Variants in NCOA1 observed in about 807,000 individuals in gnomAD.
NCOA1 encodes the protein Hin-2 protein.
A neutral mutation model predicts 150.9 loss-of-function variants in NCOA1; 35 were observed. The ratio of observed to expected loss-of-function variants is 0.23; its 90% CI spans 0.18 to 0.31. The LOEUF (loss-of-function observed/expected upper bound fraction) is 0.31, where lower values mean the gene tolerates loss of function less well. Ranked by LOEUF, NCOA1 falls within the 10% of genes least tolerant of loss-of-function variation. The pLI, the probability that NCOA1 is intolerant of heterozygous loss-of-function variation, is 1.00. For synonymous variants in NCOA1, 590 were observed against 630.0 expected (o/e 0.94, Z 0.95); for missense variants, 1,491 against 1,749.3 (o/e 0.85, Z 2.63).
At chr2:24,550,001 AG>A (rs1380990657) in intron 1 of NCOA1, among the ~76,000 whole-genome samples, 8 of 152,210 alleles carry the variant, frequency 5.3e-5, no homozygotes, top group Non-Finnish European at 4.4e-5. Flanking sequence ...ACAAACCTCC[AG>A]GGCAGGGGCA....
At chr2:24,751,311 G>A (rs557569866) in intron 19 of NCOA1, among the ~76,000 whole-genome samples, 4 of 150,990 alleles carry the variant, frequency 2.6e-5, no homozygotes, top group South Asian at 2.1e-4. Context: ...AGCCGGGCGC[G>A]GTGGCTCACA....
At chr2:24,633,864 G>A (rs1669815702) in intron 3 of NCOA1, among the ~76,000 whole-genome samples, 1 of 152,136 alleles carries the variant, frequency 6.6e-6, no homozygotes, top group African/African-American at 2.4e-5. Flanking sequence ...TTCTACTTAT[G>A]CATATGAAGA....
intron 20 of NCOA1, 40 bp downstream of exon 20, chr2:24,752,196 G>A (rs1441511258): frequency 6.3e-7 from 1 of 1,591,916 alleles, no homozygotes; most frequent in East Asian, 2.2e-5. Flanking sequence ...CCTTGATACT[G>A]TGATAAATCC....
At chr2:24,704,011 ATACT>A (rs1014876325) in intron 11 of NCOA1, among the ~76,000 whole-genome samples, 1 of 152,312 alleles carries the variant, frequency 6.6e-6, no homozygotes, top group Admixed American at 6.5e-5. Context: ...TATTTAATAA[ATACT>A]TACATGATTA....
At chr2:24,732,154 G>A (rs1663047608) in intron 17 of NCOA1, among the ~76,000 whole-genome samples, 1 of 152,120 alleles carries the variant, frequency 6.6e-6, no homozygotes, top group African/African-American at 2.4e-5. Context: ...AAGTTGTTTT[G>A]GCTTCCATTT....
At chr2:24,681,366 A>C (rs904661644) in intron 7 of NCOA1, among the ~76,000 whole-genome samples, 1 of 152,194 alleles carries the variant, frequency 6.6e-6, no homozygotes, top group Non-Finnish European at 1.5e-5. Flanking sequence ...AAAGGGCCAA[A>C]GCCCACTGAG....
At chr2:24,628,673 A>G (rs55924518) in intron 3 of NCOA1, among the ~76,000 whole-genome samples, 1 of 152,206 alleles carries the variant, frequency 6.6e-6, no homozygotes, top group Admixed American at 6.5e-5. Flanking sequence ...GATTTAGATT[A>G]CTGGGTTAAG....
At chr2:24,708,607 T>C (rs1045453284) in intron 13 of NCOA1, among the ~76,000 whole-genome samples, 1 of 152,152 alleles carries the variant, frequency 6.6e-6, no homozygotes, top group Non-Finnish European at 1.5e-5. Flanking sequence ...AAAAAAAATA[T>C]GGCCCTTCCT....
intron 14 of NCOA1, among the ~76,000 whole-genome samples, chr2:24,722,359 G>A (rs1360834540): frequency 2.0e-5 from 3 of 152,182 alleles, no homozygotes; most frequent in African/African-American, 7.2e-5. Flanking sequence ...CAGCATGCCT[G>A]TTTGTCAGTA....
chr2:24,673,738 G>T (rs919739847), intron 7 of NCOA1, among the ~76,000 whole-genome samples: 1 of 152,120 alleles, frequency 6.6e-6, no homozygotes, highest in Non-Finnish European at 1.5e-5. Context: ...TTCTGTGGTG[G>T]TTAGGCCTAG....
chr2:24,524,190 A>G (rs1664557858), intron 1 of NCOA1, among the ~76,000 whole-genome samples: 1 of 152,190 alleles, frequency 6.6e-6, no homozygotes, highest in Admixed American at 6.5e-5. Context: ...TGTTTTTCAG[A>G]TACTTCCGGT....
At chr2:24,562,312 A>G (rs11885379) in intron 1 of NCOA1, among the ~76,000 whole-genome samples, 134 of 152,344 alleles carry the variant, frequency 8.8e-4, no homozygotes, top group African/African-American at 3.0e-3. Context: ...CATGAGCTCA[A>G]AGGAGCATTT....
At chr2:24,689,784 A>G (rs548957929) in intron 8 of NCOA1, among the ~76,000 whole-genome samples, 1 of 152,356 alleles carries the variant, frequency 6.6e-6, no homozygotes, top group Non-Finnish European at 1.5e-5. Context: ...GTACATGAGA[A>G]GAGAGCTCTA....
chr2:24,634,454 T>C (rs1669842765), intron 3 of NCOA1, among the ~76,000 whole-genome samples: 1 of 152,230 alleles, frequency 6.6e-6, no homozygotes, highest in African/African-American at 2.4e-5. Flanking sequence ...ATGTGTTAGG[T>C]ACATTATAGG....
chr2:24,733,241 TATTA>T (rs1370221982), intron 17 of NCOA1, among the ~76,000 whole-genome samples: 3 of 152,216 alleles, frequency 2.0e-5, no homozygotes, highest in African/African-American at 7.2e-5. Context: ...ACTGAGGTAG[TATTA>T]ATATATCTCC....
intron 7 of NCOA1, among the ~76,000 whole-genome samples, chr2:24,682,504 G>A (rs1327721225): frequency 6.6e-6 from 1 of 152,116 alleles, no homozygotes; most frequent in African/African-American, 2.4e-5. Flanking sequence ...TCAGTGCATA[G>A]GAAGCCCCTG....
chr2:24,545,009 T>C (rs1665551738), intron 1 of NCOA1, among the ~76,000 whole-genome samples: 1 of 152,138 alleles, frequency 6.6e-6, no homozygotes, highest in African/African-American at 2.4e-5. Flanking sequence ...ACCTTAATAT[T>C]GATACAGATT....
At chr2:24,741,046 T>A (rs1342439581) in intron 18 of NCOA1, among the ~76,000 whole-genome samples, 1 of 152,192 alleles carries the variant, frequency 6.6e-6, no homozygotes, top group African/African-American at 2.4e-5. Flanking sequence ...AATAGCTGTT[T>A]CCATTTATTT....
In NCOA1 at chr2:24,707,456, C is replaced by T; in HGVS notation, c.1986C>T (p.Gly662=). ...TSCKDVLSCT[G]TSNSASANSS... is the part of the protein sequence containing the mutation. ...GCAAAGATGTCCTGTCTTGCACAGG[C>T]ACTTCCAACTCTGCCTCTGCTAACT... Residue 662 remains glycine (G), a synonymous_variant, in exon 13 of 23, where the codon GGC becomes GGT. Transcript: ENST00000348332. The T allele has an allele frequency of 6.2e-7, 1 of 1,614,220 alleles. No individual in the cohort carries two copies. Among genetic ancestry groups the T allele is most frequent in the Non-Finnish European group, 8.5e-7 (1 of 1,180,032 alleles).
Sources: gnomAD v4.1 joint callset for allele counts (sites outside exome capture counted in the v4.1 genomes callset) on GRCh38, gnomAD v4.1.1 for gene constraint, MANE v1.5 for transcripts, NCBI Gene and HGNC (gene_info 2026-07-23, HGNC 2026-07-21) for gene names.